Variants in SLC4A10 observed in about 807,000 individuals in gnomAD.
SLC4A10 encodes sodium-driven chloride bicarbonate exchanger.
SLC4A10 carries 42 observed loss-of-function variants against 137.7 expected under a neutral mutation model. The observed-to-expected ratio is 0.30, with a 90% CI of 0.24 to 0.39. The LOEUF is 0.39. Ranked by LOEUF, SLC4A10 falls within the 10% of genes least tolerant of loss-of-function variation. The probability of loss-of-function intolerance (pLI) is 1.00; values close to 1 mark genes in which losing one functional copy is unlikely to be tolerated. For synonymous variants in SLC4A10, 474 were observed against 464.1 expected (o/e 1.02, Z -0.27); for missense variants, 925 against 1,355.0 (o/e 0.68, Z 4.98).
At chr2:161,822,085 G>A (rs1475153464) in intron 3 of SLC4A10, among the ~76,000 whole-genome samples, 1 of 152,156 alleles carries the variant, frequency 6.6e-6, no homozygotes, top group Non-Finnish European at 1.5e-5. Flanking sequence ...CTGTGAGGGT[G>A]TTATAACCAC....
chr2:161,682,348 A>C (rs547665824), intron 1 of SLC4A10, among the ~76,000 whole-genome samples: 5 of 152,294 alleles, frequency 3.3e-5, no homozygotes, highest in African/African-American at 1.2e-4. Flanking sequence ...GTGTGTCATC[A>C]AATCAGTGAG....
Position 161,900,954 on chromosome 2 carries a change from A to G in SLC4A10, c.1385A>G (p.His462Arg), listed in dbSNP as rs1342960553. Residue 462 changes from histidine (H) to arginine (R), a missense_variant, in exon 12 of 27, where the codon CAT (histidine) becomes CGT (arginine). Physicochemically the swap from His to Arg is conservative, Grantham distance 29 (BLOSUM62 0). Around this residue, in one of 11 missense-constraint regions of SLC4A10, gnomAD observed 61 missense variants for 59.0 expected, o/e 1.03. Coordinates refer to ENST00000446997, the MANE Select transcript of SLC4A10 (RefSeq NM_001178015.2). ...IPAVPNGTAA[H>R]GEAEPHGGHS... ...GCTGTACCAAATGGAACAGCAGCTCATGGGGAAGCAGAGCCCCACGGAGGA... is the reference window on the plus strand; with the variant it reads ...GCTGTACCAAATGGAACAGCAGCTCGTGGGGAAGCAGAGCCCCACGGAGGA... 2 of 1,568,176 alleles carry G rather than the reference A, an allele frequency of 1.3e-6. No homozygotes were observed. Among genetic ancestry groups the G allele is most frequent in the Non-Finnish European group, 1.7e-6 (2 of 1,155,894 alleles).
At chr2:161,819,153 G>C (rs976179703) in intron 3 of SLC4A10, among the ~76,000 whole-genome samples, 1 of 152,152 alleles carries the variant, frequency 6.6e-6, no homozygotes, top group Non-Finnish European at 1.5e-5. Context: ...AGTTGCATTA[G>C]TGTTGCATTC....
chr2:161,678,752 T>C (rs1342312115), intron 1 of SLC4A10, among the ~76,000 whole-genome samples: 3 of 152,180 alleles, frequency 2.0e-5, no homozygotes, highest in African/African-American at 7.2e-5. Context: ...TTTTTGCATA[T>C]CATTATGTCT....
intron 1 of SLC4A10, among the ~76,000 whole-genome samples, chr2:161,648,014 A>G (rs1049237031): frequency 1.3e-5 from 2 of 152,224 alleles, no homozygotes; most frequent in Admixed American, 1.3e-4. Context: ...AAATATTACT[A>G]TATCTATGAT....
In SLC4A10 at chr2:161,955,973, T is replaced by C. The variant is rs938629922; in HGVS notation, c.2542-1016T>C. 3.9e-5 allele frequency among the ~76,000 whole-genome samples: 6 copies of C among 152,326 alleles called. No individual in the cohort carries two copies. The East Asian group carries it at 9.6e-4, about 24-fold the overall frequency. On this transcript the variant is annotated intron_variant, in intron 19 of 26. Transcript: ENST00000446997. Reference sequence around the variant, plus strand: ...CAATTTGTAACTTTTATTGATTGCTTATTGTGTGCCAATGATTGTGCTAAA... The same window carrying C: ...CAATTTGTAACTTTTATTGATTGCTCATTGTGTGCCAATGATTGTGCTAAA...
intron 1 of SLC4A10, among the ~76,000 whole-genome samples, chr2:161,749,889 T>C (rs2125297238): frequency 6.6e-6 from 1 of 151,996 alleles, no homozygotes; most frequent in South Asian, 2.1e-4. Context: ...AGCCATCTTG[T>C]CTTCTTTGTT....
chr2:161,734,095 C>CTG (rs1163474230), intron 1 of SLC4A10, among the ~76,000 whole-genome samples: 2 of 152,086 alleles, frequency 1.3e-5, no homozygotes. Context: ...AAACTTTGGA[C>CTG]TGTGGACTTT....
intron 19 of SLC4A10, among the ~76,000 whole-genome samples, chr2:161,955,788 A>T (rs1312696098): frequency 6.6e-6 from 1 of 152,218 alleles, no homozygotes; most frequent in Non-Finnish European, 1.5e-5. Flanking sequence ...GCTTGAAGTT[A>T]TATAAAACTA....
chr2:161,676,225 G>C (rs1037425462), intron 1 of SLC4A10, among the ~76,000 whole-genome samples: 3 of 152,154 alleles, frequency 2.0e-5, no homozygotes, highest in African/African-American at 7.2e-5. Flanking sequence ...CTGCAAAATA[G>C]TGTTACTTTG....
Position 161,947,616 on chromosome 2 carries a change from T to A in SLC4A10, c.2154T>A (p.Asp718Glu), listed in dbSNP as rs1432170017. 3.1e-6 allele frequency: 5 copies of A among 1,613,232 alleles called. No homozygotes were observed. In the South Asian group the frequency reaches 5.5e-5, roughly 18 times the overall value. The change falls in exon 17 of 27, where the codon GAT becomes GAA. Residue 718 changes from aspartate (D) to glutamate (E), a missense_variant. Physicochemically the swap from Asp to Glu is conservative, Grantham distance 45. This residue lies in a region of SLC4A10 where 91 missense variants were observed against 95.6 expected (regional missense o/e 0.95). Coordinates refer to ENST00000446997, the MANE Select transcript of SLC4A10 (RefSeq NM_001178015.2). ...ATGTTGGACGGGCCTGTGGCCATGA[T>A]CACCCATATGTTCCAGATGTTCTAT... ...GEYVGRACGH[D>E]HPYVPDVLFW...
At chr2:161,745,990 A>T (rs990681241) in intron 1 of SLC4A10, among the ~76,000 whole-genome samples, 1 of 151,674 alleles carries the variant, frequency 6.6e-6, no homozygotes, top group African/African-American at 2.4e-5. Flanking sequence ...TGATTCAAGC[A>T]CTCCTATGGC....
chr2:161,874,110 C>T, intron 8 of SLC4A10, 105 bp downstream of exon 8: 1 of 1,158,438 alleles, frequency 8.6e-7, no homozygotes, highest in Non-Finnish European at 1.2e-6. Flanking sequence ...ATTCCATCTG[C>T]CACTCTAAGA....
chr2:161,697,808 T>C (rs1372027254), intron 1 of SLC4A10, among the ~76,000 whole-genome samples: 1 of 152,268 alleles, frequency 6.6e-6, no homozygotes, highest in African/African-American at 2.4e-5. Flanking sequence ...TGGTTCCATA[T>C]GAACTTTAAA....
At chr2:161,698,359 G>A (rs1422733550) in intron 1 of SLC4A10, among the ~76,000 whole-genome samples, 2 of 152,232 alleles carry the variant, frequency 1.3e-5, no homozygotes, top group Non-Finnish European at 2.9e-5. Context: ...TAGGAGTGGT[G>A]AGAGAGGGCA....
At chr2:161,952,751 C>G (rs995622809) in intron 19 of SLC4A10, among the ~76,000 whole-genome samples, 2 of 152,162 alleles carry the variant, frequency 1.3e-5, no homozygotes, top group African/African-American at 4.8e-5. Flanking sequence ...TGTATTTCAT[C>G]TACATTGAAC....
At chr2:161,889,232 G>A (rs377232990) in intron 10 of SLC4A10, among the ~76,000 whole-genome samples, 1 of 152,082 alleles carries the variant, frequency 6.6e-6, no homozygotes, top group African/African-American at 2.4e-5. Context: ...CAGGGATATC[G>A]GCCTGAAATT....
At chr2:161,758,579 TAACA>T (rs1338633601) in intron 1 of SLC4A10, among the ~76,000 whole-genome samples, 1 of 152,018 alleles carries the variant, frequency 6.6e-6, no homozygotes, top group East Asian at 1.9e-4. Context: ...ATCATTAAAC[TAACA>T]GACACTTTTG....
intron 15 of SLC4A10, among the ~76,000 whole-genome samples, chr2:161,929,556 C>T (rs1225290648): frequency 2.0e-5 from 3 of 152,144 alleles, no homozygotes; most frequent in Non-Finnish European, 4.4e-5. Context: ...ATGAGTTGAG[C>T]ATCATCTATC....
Sources: allele counts gnomAD v4.1 joint callset (sites outside exome capture counted in the v4.1 genomes callset), GRCh38; gene constraint gnomAD v4.1.1; regional missense constraint gnomAD v4.1.1; transcripts MANE v1.5; gene names NCBI Gene and HGNC (gene_info 2026-07-23, HGNC 2026-07-21).